Variants in FGD1 observed in about 807,000 individuals in gnomAD.
The protein encoded by FGD1 is FYVE, RhoGEF and PH domain-containing protein 1.
In FGD1, 12 loss-of-function variants were observed where a neutral mutation model predicts 65.0. The ratio of observed to expected loss-of-function variants is 0.18; its 90% confidence interval spans 0.12 to 0.30. The LOEUF (loss-of-function observed/expected upper bound fraction) is 0.30, where lower values mean the gene tolerates loss of function less well. Among genes scored for constraint, FGD1 ranks in the 10% least tolerant of loss-of-function variants. The probability of loss-of-function intolerance (pLI) is 1.00; values close to 1 mark genes in which losing one functional copy is unlikely to be tolerated. For missense variants in FGD1, 542 were observed against 837.6 expected (o/e 0.65, Z 4.36); for synonymous variants, 333 against 343.9 (o/e 0.97, Z 0.35).
At chrX:54,484,173 TCCCGTGAC>T (rs1923219373) in intron 1 of FGD1, among the ~76,000 whole-genome samples, 1 of 112,091 alleles carries the variant, frequency 8.9e-6, no homozygotes, top group Non-Finnish European at 1.9e-5. Flanking sequence ...CACATGTTGT[TCCCGTGAC>T]CCGAACTGCT....
intron 1 of FGD1, among the ~76,000 whole-genome samples, chrX:54,478,121 AC>A (rs202120729): frequency 2.7e-5 from 3 of 111,384 alleles, no homozygotes; most frequent in African/African-American, 9.9e-5. Flanking sequence ...CCGTCTAAAA[AC>A]AAAATGACTT....
At chrX:54,447,549 T>C in intron 16 of FGD1, 95 bp from the exon 17 acceptor site, 1 of 934,444 alleles carries the variant, frequency 1.1e-6, no homozygotes, top group Non-Finnish European at 1.5e-6. Flanking sequence ...CTGCTATTCC[T>C]ATCTCAGATG....
chrX:54,447,106 C>T (rs1186065559), intron 17 of FGD1, among the ~76,000 whole-genome samples: 1 of 111,957 alleles, frequency 8.9e-6, no homozygotes, highest in African/African-American at 3.2e-5. Context: ...GCCCACAACT[C>T]ATCCTGGTTT....
chrX:54,494,406 T>C (rs907542376), intron 1 of FGD1, among the ~76,000 whole-genome samples: 10 of 93,997 alleles, frequency 1.1e-4, no homozygotes, highest in African/African-American at 2.1e-4. Context: ...GTCTTTCTTT[T>C]TTTTTTTTTT....
In FGD1 at chrX:54,446,196, C is replaced by T. The variant is rs1211977877; in HGVS notation, c.2799G>A (p.Glu933=). The change falls in exon 18 of 18, where the codon GAG becomes GAA. Residue 933 remains glutamate (E), a synonymous_variant. Coordinates refer to ENST00000375135, the MANE Select transcript of FGD1 (RefSeq NM_004463.3). ...DTFCPGPTLS[E]DREMEEAPVA... ...CCGGTGCCTCCTCCATCTCCCTGTC[C>T]TCAGACAGTGTGGGCCCCGGGCAGA... 7 of 1,211,662 alleles carry T rather than the reference C, an allele frequency of 5.8e-6. No individual in the cohort carries two copies. The highest frequency in any genetic ancestry group is 1.7e-5 in the African/African-American group (1 of 57,954).
Position 54,465,762 on chromosome X carries a change from G to C in FGD1, c.1431C>G (p.Ala477=), listed in dbSNP as rs1338479384. 2 of 1,211,186 alleles carry C rather than the reference G, an allele frequency of 1.7e-6. No homozygotes were observed. The highest frequency in any genetic ancestry group is 2.2e-6 in the Non-Finnish European group (2 of 895,367). ...CTGTCCAGGTGTTGACCAGCTCCAC[G>C]GCCCGGTCAAAGTTCTTCACATACT... The part of the protein sequence containing the change: ...YGEYVKNFDR[A]VELVNTWTER... Residue 477 remains alanine (A), a synonymous_variant, in exon 7 of 18, where the codon GCC becomes GCG. Coordinates refer to ENST00000375135, the MANE Select transcript of FGD1 (RefSeq NM_004463.3).
chrX:54,495,254 A>C lies in FGD1; in HGVS notation c.179T>G (p.Phe60Cys). 1 of 1,193,604 alleles carries C rather than the reference A, an allele frequency of 8.4e-7. No homozygotes were observed. The highest frequency in any genetic ancestry group is 1.8e-5 in the South Asian group (1 of 54,525). ...SALGGPLDPQFVGPSDTSLGA... is the reference protein window; with the variant it reads ...SALGGPLDPQCVGPSDTSLGA... ...CAGGCTGGTGTCCGAGGGTCCGACA[A>C]ACTGGGGATCCAGTGGGCCGCCAAG... The change falls in exon 1 of 18, where the codon TTT (phenylalanine) becomes TGT (cysteine). Residue 60 changes from phenylalanine to cysteine, a missense_variant. Phe to Cys is a radical substitution (Grantham distance 205, BLOSUM62 -2). Coordinates refer to ENST00000375135, the MANE Select transcript of FGD1 (RefSeq NM_004463.3).
At chrX:54,493,094 A>G (rs973671423) in intron 1 of FGD1, among the ~76,000 whole-genome samples, 1 of 110,889 alleles carries the variant, frequency 9.0e-6, no homozygotes, top group East Asian at 2.8e-4. Context: ...CAGAATCATC[A>G]CCTTGTATTG....
chrX:54,471,361 C>T lies in FGD1; in HGVS notation c.434G>A (p.Ser145Asn), dbSNP rs1363268129. ...CCGCTTCAGTGGTGAAGGACGCTGG[C>T]TAGGGGTTTCAGTCGGGGGACCTGG... ...SDPGPPTETP[S>N]QRPSPLKRAP... Residue 145 changes from serine (S) to asparagine (N), a missense_variant, in exon 2 of 18, where the codon AGC becomes AAC. Ser to Asn is a conservative substitution (Grantham distance 46). Coordinates refer to ENST00000375135, the MANE Select transcript of FGD1 (RefSeq NM_004463.3). 8.3e-7 allele frequency: 1 copy of T among 1,211,248 alleles called. No homozygotes were observed. Among genetic ancestry groups the T allele is most frequent in the East Asian group, 3.0e-5 (1 of 33,844 alleles).
chrX:54,460,587 A>G (rs1237003574), intron 8 of FGD1, among the ~76,000 whole-genome samples: 1 of 111,666 alleles, frequency 9.0e-6, no homozygotes, highest in Non-Finnish European at 1.9e-5. Context: ...CCCAAAATAC[A>G]AAATTTAGCT....
In FGD1 at chrX:54,495,754, TG is replaced by T. The variant is rs1340355206; in HGVS notation, c.-323del. 1 of 110,469 alleles carries T rather than the reference TG, an allele frequency of 9.1e-6. No individual in the cohort carries two copies. The highest frequency in any genetic ancestry group is 1.9e-5 in the Non-Finnish European group (1 of 52,906). The allele number at this position is 110,469 out of a possible 1,213,427, so 9.1% of individuals were successfully genotyped here. On this transcript the variant is annotated 5_prime_UTR_variant, in exon 1 of 18. Transcript: ENST00000375135. The stretch of plus-strand genomic sequence containing the variant: ...CGCTGGGGAGCGCTGTCTATGCGGC[TG>T]CGGTTGGGCGAGGGTTGGAGGGCTA...
intron 8 of FGD1, 78 bp from the exon 9 acceptor site, chrX:54,456,645 T>G (rs775351191): frequency 9.6e-5 from 83 of 867,931 alleles, no homozygotes; most frequent in Non-Finnish European, 1.3e-4. Context: ...TTTGTTTTTT[T>G]TTTTTGAGAC....
intron 1 of FGD1, among the ~76,000 whole-genome samples, chrX:54,489,240 C>A (rs960606512): frequency 3.6e-5 from 4 of 112,656 alleles, no homozygotes; most frequent in African/African-American, 1.3e-4. Context: ...CTTGAACAGA[C>A]ACTTTTCAAA....
intron 1 of FGD1, among the ~76,000 whole-genome samples, chrX:54,473,987 A>AT (rs1432856404): frequency 1.9e-3 from 207 of 108,229 alleles, no homozygotes; most frequent in Non-Finnish European, 3.1e-3. Flanking sequence ...CTCAAAAAAA[A>AT]AATATATATA....
intron 1 of FGD1, among the ~76,000 whole-genome samples, chrX:54,494,412 T>C (rs896226418): frequency 3.1e-5 from 3 of 98,324 alleles, no homozygotes; most frequent in Non-Finnish European, 4.1e-5. Context: ...CTTTTTTTTT[T>C]TTTTTTTTTT....
intron 17 of FGD1, among the ~76,000 whole-genome samples, chrX:54,447,026 A>G (rs1922222897): frequency 9.0e-6 from 1 of 111,230 alleles, no homozygotes; most frequent in South Asian, 3.8e-4. Context: ...GCTCGGTCCC[A>G]TCTGCATACT....
chrX:54,481,824 C>T (rs768535065), intron 1 of FGD1, among the ~76,000 whole-genome samples: 1 of 108,685 alleles, frequency 9.2e-6, no homozygotes, highest in East Asian at 2.9e-4. Context: ...ATTTGAAGTA[C>T]GTAATGTCAT....
intron 1 of FGD1, among the ~76,000 whole-genome samples, chrX:54,483,224 G>C (rs964353546): frequency 8.9e-6 from 1 of 111,818 alleles, no homozygotes; most frequent in African/African-American, 3.2e-5. Flanking sequence ...TGCGGTGAAA[G>C]TGACCCCAGC....
At chrX:54,446,498 T>G in intron 17 of FGD1, 84 bp from the exon 18 acceptor site, 1 of 943,611 alleles carries the variant, frequency 1.1e-6, no homozygotes, top group East Asian at 3.3e-5. Flanking sequence ...TTGCATATGC[T>G]CTGTCTTCAG....
Sources: allele counts gnomAD v4.1 joint callset (sites outside exome capture counted in the v4.1 genomes callset), GRCh38; gene constraint gnomAD v4.1.1; transcripts MANE v1.5; gene names NCBI Gene and HGNC (gene_info 2026-07-23, HGNC 2026-07-21).